ADAMTS20: variants seen among roughly 807,000 people sequenced by gnomAD.
ADAMTS20 encodes the protein A disintegrin and metalloproteinase with thrombospondin motifs 20.
Under a neutral mutation model 260.1 loss-of-function variants are expected in ADAMTS20, and 225 were observed. The ratio of observed to expected loss-of-function variants is 0.87; its 90% CI spans 0.78 to 0.97. The LOEUF is 0.97. Among genes scored for constraint, ADAMTS20 ranks in the 50% least tolerant of loss-of-function variants. The pLI, the probability that ADAMTS20 is intolerant of heterozygous loss-of-function variation, is 0.00. For missense variants in ADAMTS20, 2,400 were observed against 2,337.7 expected (o/e 1.03, Z -0.55); for synonymous variants, 802 against 769.5 (o/e 1.04, Z -0.70).
chr12:43,468,549 T>C, intron 8 of ADAMTS20, 51 bp downstream of exon 8: 1 of 1,120,624 alleles, frequency 8.9e-7, no homozygotes, highest in Non-Finnish European at 1.3e-6. Flanking sequence ...TCAGGCATTC[T>C]GTGCAAAGAT....
At chr12:43,493,025 A>T (rs1942627033) in intron 5 of ADAMTS20, 145 bp downstream of exon 5, 4 of 651,202 alleles carry the variant, frequency 6.1e-6, no homozygotes, top group African/African-American at 1.8e-5. Flanking sequence ...CATCACAACA[A>T]ATAAGGGTAA....
At chr12:43,433,694 GCACACACAAACACACA>G in intron 19 of ADAMTS20, 1 of 310,038 alleles carries the variant, frequency 3.2e-6, no homozygotes, top group Admixed American at 4.1e-5. Context: ...ACACACACAT[GCACACACAAACACACA>G]CACACACACA....
At chr12:43,512,893 T>C (rs1357185869) in intron 3 of ADAMTS20, among the ~76,000 whole-genome samples, 1 of 152,104 alleles carries the variant, frequency 6.6e-6, no homozygotes, top group African/African-American at 2.4e-5. Flanking sequence ...CTTCTAAAGG[T>C]TGAATGTGGT....
Position 43,383,920 on chromosome 12 carries a change from C to G in ADAMTS20, c.4510G>C (p.Gly1504Arg). 1 of 1,613,932 alleles carries G rather than the reference C, an allele frequency of 6.2e-7. No homozygotes were observed. Among genetic ancestry groups the G allele is most frequent in the African/African-American group, 1.3e-5 (1 of 75,020 alleles). Residue 1504 changes from glycine to arginine, a missense_variant, in exon 30 of 39, where the codon GGT (glycine) becomes CGT (arginine). Transcript: ENST00000389420. ...QQRDVYCRLKGVGQVVEEMCD... is the reference protein window; with the variant it reads ...QQRDVYCRLKRVGQVVEEMCD... ...ATTTCTTCAACCACCTGACCAACAC[C>G]TTTCAGTCTGCAGTATACATCCCTC...
At chr12:43,435,074 C>T (rs1255037593) in intron 18 of ADAMTS20, among the ~76,000 whole-genome samples, 1 of 152,170 alleles carries the variant, frequency 6.6e-6, no homozygotes, top group African/African-American at 2.4e-5. Flanking sequence ...AGTGAAACTA[C>T]TATGTATGAT....
chr12:43,432,833 A>C (rs1479690157), intron 19 of ADAMTS20, 22 bp from the exon 20 acceptor site: 1 of 1,564,964 alleles, frequency 6.4e-7, no homozygotes, highest in Admixed American at 1.7e-5. Flanking sequence ...ATGTTACTAT[A>C]CTTAGGAGGT....
chr12:43,408,983 G>A (rs117266600), intron 28 of ADAMTS20, among the ~76,000 whole-genome samples: 2,811 of 152,204 alleles, frequency 0.018, 30 homozygotes, highest in Non-Finnish European at 0.029. Flanking sequence ...CTGAAATAGT[G>A]CTTGACACAA....
At chr12:43,424,559 T>A (rs1941294639) in intron 28 of ADAMTS20, among the ~76,000 whole-genome samples, 1 of 151,774 alleles carries the variant, frequency 6.6e-6, no homozygotes, top group Middle Eastern at 3.2e-3. Flanking sequence ...AAATAATAAG[T>A]TGGATAATGA....
chr12:43,550,434 T>C (rs1375135611), intron 2 of ADAMTS20, among the ~76,000 whole-genome samples: 1 of 152,176 alleles, frequency 6.6e-6, no homozygotes, highest in Non-Finnish European at 1.5e-5. Context: ...CAAAATGAAC[T>C]TTTCCTATTC....
chr12:43,483,591 A>G (rs1471474038), intron 7 of ADAMTS20, among the ~76,000 whole-genome samples: 4 of 152,214 alleles, frequency 2.6e-5, no homozygotes, highest in Non-Finnish European at 5.9e-5. Flanking sequence ...TAAATGGAAC[A>G]TCAGCATTCC....
rs1273504616 is a variant in ADAMTS20, at chr12:43,399,207, T to G, written c.4311A>C (p.Arg1437Ser). 6.4e-7 allele frequency: 1 copy of G among 1,555,188 alleles called. No homozygotes were observed. Among genetic ancestry groups the G allele is most frequent in the Admixed American group, 2.0e-5 (1 of 50,292 alleles). ...TSCSASCGKG[R>S]KYREVFCIDQ... Reference sequence around the variant, plus strand: ...CAATGCAAAACACTTCACGGTACTTTCTACCTTTACCACAAGAAGCTGAGC... The same window carrying G: ...CAATGCAAAACACTTCACGGTACTTGCTACCTTTACCACAAGAAGCTGAGC... Residue 1437 changes from arginine to serine, a missense_variant, in exon 29 of 39, where the codon AGA (arginine) becomes AGC (serine). Arg to Ser is a moderately radical substitution (Grantham distance 110). Transcript: ENST00000389420.
intron 28 of ADAMTS20, among the ~76,000 whole-genome samples, chr12:43,400,947 T>C (rs561103688): frequency 6.6e-6 from 1 of 152,102 alleles, no homozygotes; most frequent in Admixed American, 6.6e-5. Flanking sequence ...CATCTCTTGC[T>C]TTTGCCCTTG....
At chr12:43,535,094 A>T (rs1317458433) in intron 2 of ADAMTS20, among the ~76,000 whole-genome samples, 3 of 152,018 alleles carry the variant, frequency 2.0e-5, no homozygotes. Flanking sequence ...ACTCCTAAAA[A>T]CACATTACAT....
At chr12:43,544,239 A>G (rs1943413654) in intron 2 of ADAMTS20, among the ~76,000 whole-genome samples, 2 of 152,250 alleles carry the variant, frequency 1.3e-5, no homozygotes, top group Admixed American at 1.3e-4. Context: ...GATTTAGTAA[A>G]TACAGAATTT....
chr12:43,384,964 CA>C (rs1473175454), intron 29 of ADAMTS20, among the ~76,000 whole-genome samples: 2 of 152,106 alleles, frequency 1.3e-5, no homozygotes, highest in Non-Finnish European at 2.9e-5. Context: ...ATCCTATGCA[CA>C]TATACCAAAA....
At chr12:43,358,525 G>C (rs142474250) in intron 37 of ADAMTS20, among the ~76,000 whole-genome samples, 5 of 152,292 alleles carry the variant, frequency 3.3e-5, no homozygotes, top group African/African-American at 1.2e-4. Flanking sequence ...TCTGTTAAGT[G>C]AAATAGCATA....
At chr12:43,369,244 AT>A (rs1240410932) in intron 37 of ADAMTS20, 45 bp downstream of exon 37, 15 of 1,243,302 alleles carry the variant, frequency 1.2e-5, no homozygotes, top group South Asian at 2.0e-5. Context: ...AGAAGCTATA[AT>A]TTTTTTCACA....
chr12:43,402,925 T>C (rs989813626), intron 28 of ADAMTS20, among the ~76,000 whole-genome samples: 2 of 152,114 alleles, frequency 1.3e-5, no homozygotes, highest in Admixed American at 6.6e-5. Flanking sequence ...ACACAACCCA[T>C]TTCAGAAGTA....
chr12:43,535,758 T>G (rs1943286256), intron 2 of ADAMTS20, among the ~76,000 whole-genome samples: 2 of 152,164 alleles, frequency 1.3e-5, no homozygotes, highest in African/African-American at 2.4e-5. Flanking sequence ...ATTAATATTT[T>G]AGGTGCATTG....
Sources: gnomAD v4.1 joint callset for allele counts (sites outside exome capture counted in the v4.1 genomes callset) on GRCh38, gnomAD v4.1.1 for gene constraint, MANE v1.5 for transcripts, NCBI Gene and HGNC (gene_info 2026-07-23, HGNC 2026-07-21) for gene names.